Variants in WDR70 observed in about 807,000 individuals in gnomAD.
WDR70 encodes WD repeat-containing protein 70.
Under a neutral mutation model 88.6 loss-of-function variants are expected in WDR70, and 53 were observed. The observed-to-expected ratio is 0.60, with a 90% CI of 0.48 to 0.75. The LOEUF (loss-of-function observed/expected upper bound fraction) is 0.75. Ranked by LOEUF, WDR70 falls within the 30% of genes least tolerant of loss-of-function variation. The probability of loss-of-function intolerance (pLI) is 0.00; values close to 1 mark genes in which losing one functional copy is unlikely to be tolerated. For synonymous variants in WDR70, 280 were observed against 270.0 expected (o/e 1.04, Z -0.36); for missense variants, 610 against 823.2 (o/e 0.74, Z 3.17).
chr5:37,663,731 T>C (rs1307727923), intron 10 of WDR70, among the ~76,000 whole-genome samples: 1 of 152,168 alleles, frequency 6.6e-6, no homozygotes, highest in Non-Finnish European at 1.5e-5. Flanking sequence ...CGCATACTGC[T>C]GTGGTCTCTC....
intron 5 of WDR70, among the ~76,000 whole-genome samples, chr5:37,398,196 C>T (rs1020401778): frequency 2.0e-5 from 3 of 148,504 alleles, no homozygotes; most frequent in Non-Finnish European, 4.4e-5. Context: ...TCATGCCATT[C>T]TCCTGCCTCA....
At chr5:37,499,177 A>G (rs1359868274) in intron 8 of WDR70, among the ~76,000 whole-genome samples, 2 of 150,884 alleles carry the variant, frequency 1.3e-5, no homozygotes, top group African/African-American at 2.4e-5. Flanking sequence ...ACAGTGGTGC[A>G]GTCTCGGCTC....
chr5:37,633,028 CA>C (rs1744861872), intron 10 of WDR70, among the ~76,000 whole-genome samples: 1 of 152,144 alleles, frequency 6.6e-6, no homozygotes, highest in African/African-American at 2.4e-5. Flanking sequence ...CTGTAGTACT[CA>C]GTATAGTAAT....
intron 10 of WDR70, among the ~76,000 whole-genome samples, chr5:37,606,022 A>G (rs933250902): frequency 6.6e-6 from 1 of 152,216 alleles, no homozygotes; most frequent in African/African-American, 2.4e-5. Flanking sequence ...TTTACTACAT[A>G]CTATAAACTA....
chr5:37,624,003 GGTAA>G (rs1327949876), intron 10 of WDR70, among the ~76,000 whole-genome samples: 2 of 151,918 alleles, frequency 1.3e-5, no homozygotes, highest in Non-Finnish European at 2.9e-5. Context: ...ATCAAATCAG[GGTAA>G]GTAACATTCA....
intron 7 of WDR70, among the ~76,000 whole-genome samples, chr5:37,447,843 G>A (rs1206977472): frequency 1.3e-5 from 2 of 152,166 alleles, no homozygotes; most frequent in African/African-American, 2.4e-5. Flanking sequence ...TGTAAATGAC[G>A]AGTTAATGGG....
intron 7 of WDR70, among the ~76,000 whole-genome samples, chr5:37,448,166 C>G (rs988880177): frequency 5.3e-5 from 8 of 152,042 alleles, no homozygotes; most frequent in Admixed American, 3.3e-4. Context: ...ATGTTTCAGT[C>G]AATTGCAGTC....
chr5:37,591,449 G>A (rs1157233836), intron 9 of WDR70, among the ~76,000 whole-genome samples: 2 of 151,350 alleles, frequency 1.3e-5, no homozygotes, highest in South Asian at 2.1e-4. Flanking sequence ...TGATAACTTA[G>A]ACGAAATGGA....
chr5:37,393,386 AT>A (rs974554432), intron 4 of WDR70, among the ~76,000 whole-genome samples: 1 of 151,760 alleles, frequency 6.6e-6, no homozygotes, highest in Non-Finnish European at 1.5e-5. Flanking sequence ...TTCTGCTCTG[AT>A]TTTTTTTATT....
chr5:37,745,589 C>G (rs1445092562), intron 17 of WDR70, among the ~76,000 whole-genome samples: 1 of 147,678 alleles, frequency 6.8e-6, no homozygotes, highest in Non-Finnish European at 1.5e-5. Flanking sequence ...GAAAATCTAC[C>G]AAGTAAATGG....
At chr5:37,448,203 C>A (rs1374518888) in intron 7 of WDR70, among the ~76,000 whole-genome samples, 1 of 152,004 alleles carries the variant, frequency 6.6e-6, no homozygotes, top group Non-Finnish European at 1.5e-5. Context: ...TTTAAATTGT[C>A]CTAGATTTGT....
chr5:37,597,607 T>A (rs930438782), intron 9 of WDR70, among the ~76,000 whole-genome samples: 4 of 152,162 alleles, frequency 2.6e-5, no homozygotes, highest in African/African-American at 9.7e-5. Flanking sequence ...CAAGCGTGGG[T>A]TTTTAAAAAG....
intron 9 of WDR70, among the ~76,000 whole-genome samples, chr5:37,599,157 G>T (rs1008886761): frequency 6.6e-6 from 1 of 152,176 alleles, no homozygotes. Context: ...ATCTAACAAG[G>T]AAGACCTTCT....
intron 7 of WDR70, among the ~76,000 whole-genome samples, chr5:37,448,385 G>A (rs1255763572): frequency 6.6e-6 from 1 of 152,094 alleles, no homozygotes. Flanking sequence ...GTGGTATTTA[G>A]AGACCAAATC....
chr5:37,677,395 T>C (rs1384084447), intron 10 of WDR70, among the ~76,000 whole-genome samples: 3 of 152,204 alleles, frequency 2.0e-5, no homozygotes, highest in Admixed American at 1.3e-4. Context: ...TCCCTCTCCA[T>C]ACTGCTTTGA....
chr5:37,724,664 C>A, intron 15 of WDR70: 1 of 347,072 alleles, frequency 2.9e-6, no homozygotes. Flanking sequence ...AACTGCTACC[C>A]ATGGTTTGGG....
chr5:37,391,299 A>G (rs55669203), intron 3 of WDR70, among the ~76,000 whole-genome samples: 3,864 of 152,262 alleles, frequency 0.025, 154 homozygotes, highest in African/African-American at 0.088. Flanking sequence ...TACACATAAA[A>G]TGTACCATCT....
chr5:37,441,927 A>G (rs1465078346), intron 6 of WDR70, among the ~76,000 whole-genome samples: 1 of 152,130 alleles, frequency 6.6e-6, no homozygotes, highest in African/African-American at 2.4e-5. Context: ...CAGTAGATCT[A>G]GGGACTCTCT....
At chr5:37,635,831 G>A (rs1398102227) in intron 10 of WDR70, among the ~76,000 whole-genome samples, 1 of 152,102 alleles carries the variant, frequency 6.6e-6, no homozygotes, top group Non-Finnish European at 1.5e-5. Flanking sequence ...ATGGGAGGGT[G>A]GGAGGTAATT....
Sources: gnomAD v4.1 joint callset for allele counts (sites outside exome capture counted in the v4.1 genomes callset) on GRCh38, gnomAD v4.1.1 for gene constraint, MANE v1.5 for transcripts, NCBI Gene and HGNC (gene_info 2026-07-23, HGNC 2026-07-21) for gene names.